TAX1BP1: variants seen among roughly 807,000 people sequenced by gnomAD.
The protein encoded by TAX1BP1 is Tax1 binding protein 1, also known as tax1-binding protein 1.
TAX1BP1 carries 62 observed loss-of-function variants against 97.7 expected under a neutral mutation model. The ratio of observed to expected loss-of-function variants is 0.63; its 90% confidence interval spans 0.52 to 0.78. TAX1BP1 has a LOEUF of 0.78. TAX1BP1 is among the 30% of genes least tolerant of loss of function. TAX1BP1 has a pLI of 0.00. For missense variants in TAX1BP1, 867 were observed against 916.1 expected, an observed-to-expected ratio of 0.95 and a Z score of 0.69; for synonymous variants, 340 against 304.2, an observed-to-expected ratio of 1.12 and a Z score of -1.23.
At chr7:27,816,018 T>A (rs1562742193) in intron 13 of TAX1BP1, among the ~76,000 whole-genome samples, 1 of 152,052 alleles carries the variant, frequency 6.6e-6, no homozygotes, top group Non-Finnish European at 1.5e-5. Flanking sequence ...TGGGTGAAGC[T>A]CTGTCTCAAA....
chr7:27,795,360 C>G (rs899673370), intron 11 of TAX1BP1, among the ~76,000 whole-genome samples: 1 of 151,986 alleles, frequency 6.6e-6, no homozygotes, highest in African/African-American at 2.4e-5. Context: ...GTACTCCTAG[C>G]TACTCTGGAA....
chr7:27,806,292 G>T lies in TAX1BP1; in HGVS notation c.1764+6202G>T, dbSNP rs182401023. Among the ~76,000 whole-genome samples, 8 of 151,914 alleles carry T rather than the reference G, an allele frequency of 5.3e-5. No individual in the cohort carries two copies. In the East Asian group the frequency reaches 1.6e-3, roughly 29 times the overall value. On this transcript the variant is annotated intron_variant, in intron 13 of 16. Coordinates refer to ENST00000396319, the MANE Select transcript of TAX1BP1 (RefSeq NM_006024.7). ...GTAGAGACAGGGTTTTGCCATGTTG[G>T]CTAGGCTGGTCTCAAACTCCTGACC...
intron 15 of TAX1BP1, among the ~76,000 whole-genome samples, chr7:27,817,944 A>C (rs1790841239): frequency 6.6e-6 from 1 of 152,180 alleles, no homozygotes; most frequent in Non-Finnish European, 1.5e-5. Flanking sequence ...CTCAACACCC[A>C]TAATGGAGAA....
chr7:27,825,140 AGATGTATAGTAAGGCTGTGT>A (rs67085840), intron 15 of TAX1BP1, among the ~76,000 whole-genome samples: 72,863 of 151,628 alleles, frequency 0.48, 17,548 homozygotes, highest in Non-Finnish European at 0.49. Context: ...TATTCTTTTA[AGATGTATAGTAAGGCTGTGT>A]GATCTATTAC....
intron 15 of TAX1BP1, among the ~76,000 whole-genome samples, chr7:27,821,238 A>G (rs984951361): frequency 6.6e-6 from 1 of 152,208 alleles, no homozygotes; most frequent in African/African-American, 2.4e-5. Context: ...AATACCTTTC[A>G]TATAGTAGAG....
intron 2 of TAX1BP1, among the ~76,000 whole-genome samples, chr7:27,754,979 C>T (rs542173033): frequency 6.6e-6 from 1 of 152,240 alleles, no homozygotes; most frequent in Non-Finnish European, 1.5e-5. Flanking sequence ...ACAATTAGTT[C>T]TGTACCATTT....
At chr7:27,756,077 A>G (rs367726121) in intron 2 of TAX1BP1, among the ~76,000 whole-genome samples, 1 of 152,174 alleles carries the variant, frequency 6.6e-6, no homozygotes, top group Non-Finnish European at 1.5e-5. Context: ...CAGAGAATCA[A>G]CCTTTGGTTT....
At chr7:27,781,139 A>G (rs1291465046) in intron 5 of TAX1BP1, among the ~76,000 whole-genome samples, 3 of 152,182 alleles carry the variant, frequency 2.0e-5, no homozygotes, top group African/African-American at 7.2e-5. Flanking sequence ...TCTCCACTCC[A>G]ACCACAAAAA....
chr7:27,810,692 A>C (rs1790525754), intron 13 of TAX1BP1, among the ~76,000 whole-genome samples: 1 of 151,974 alleles, frequency 6.6e-6, no homozygotes, highest in African/African-American at 2.4e-5. Context: ...TTGCCTTGCT[A>C]TGTTGCTCTC....
At chr7:27,769,903 C>T in intron 5 of TAX1BP1, 69 bp downstream of exon 5, 1 of 1,475,948 alleles carries the variant, frequency 6.8e-7, no homozygotes, top group Middle Eastern at 1.7e-4. Context: ...TTTTAAAGAG[C>T]TGAACCAATT....
chr7:27,821,021 A>G (rs1790950566), intron 15 of TAX1BP1, among the ~76,000 whole-genome samples: 1 of 152,228 alleles, frequency 6.6e-6, no homozygotes, highest in East Asian at 1.9e-4. Flanking sequence ...TCAGGGCTTA[A>G]AAAGTTTTGG....
intron 2 of TAX1BP1, among the ~76,000 whole-genome samples, chr7:27,751,951 C>G (rs1226821188): frequency 1.3e-5 from 2 of 152,124 alleles, no homozygotes; most frequent in Non-Finnish European, 2.9e-5. Flanking sequence ...CCATGCCCAG[C>G]TACAGATACC....
At chr7:27,783,877 G>A (rs748167770) in intron 5 of TAX1BP1, among the ~76,000 whole-genome samples, 3 of 152,088 alleles carry the variant, frequency 2.0e-5, no homozygotes, top group East Asian at 1.9e-4. Flanking sequence ...TGATTGCAGA[G>A]GAAATAAATA....
chr7:27,806,186 A>G (rs955957911), intron 13 of TAX1BP1, among the ~76,000 whole-genome samples: 4 of 151,860 alleles, frequency 2.6e-5, no homozygotes, highest in Non-Finnish European at 4.4e-5. Context: ...CTCAGGTTCA[A>G]GCAATTCTCC....
intron 2 of TAX1BP1, among the ~76,000 whole-genome samples, chr7:27,751,899 C>G (rs1008021167): frequency 2.6e-5 from 4 of 152,082 alleles, no homozygotes; most frequent in African/African-American, 9.7e-5. Context: ...GCGATCCACC[C>G]GCCTCAGCCT....
intron 15 of TAX1BP1, among the ~76,000 whole-genome samples, chr7:27,825,405 A>G (rs1019892976): frequency 6.6e-6 from 1 of 152,170 alleles, no homozygotes; most frequent in South Asian, 2.1e-4. Context: ...TGTCAATATC[A>G]TGAGAGACTT....
chr7:27,792,062 A>G lies in TAX1BP1; in HGVS notation c.1095A>G (p.Ala365=), dbSNP rs529619745. Reference sequence around the variant, plus strand: ...GTAAAGCAGAGGAACAGGTTCAGGCAACTCGGCAAGAAGTTGTCTTTCTGG... The same window carrying G: ...GTAAAGCAGAGGAACAGGTTCAGGCGACTCGGCAAGAAGTTGTCTTTCTGG... ...QLRKAEEQVQ[A]TRQEVVFLAK... Residue 365 remains alanine, a synonymous_variant, in exon 9 of 17, where the codon GCA becomes GCG. Transcript: ENST00000396319. The G allele has an allele frequency of 5.6e-6, 9 of 1,614,134 alleles. No individual in the cohort carries two copies. In the South Asian group the frequency reaches 8.8e-5, roughly 16 times the overall value.
At position 27,765,916 on chromosome 7, in the gene TAX1BP1, A is replaced by T; in HGVS notation, c.348A>T (p.Thr116=). 6.2e-7 allele frequency: 1 copy of T among 1,614,188 alleles called. No individual in the cohort carries two copies. The highest frequency in any genetic ancestry group is 8.5e-7 in the Non-Finnish European group (1 of 1,180,032). ...AGGGTGAAATTCGTGGAGCAAGTAC[A>T]CCTTTCCAGTTTCGAGCTTCTTCTC... ...THKGEIRGAS[T]PFQFRASSPV... The change falls in exon 4 of 17, where the codon ACA becomes ACT. Residue 116 remains threonine (T), a synonymous_variant. Coordinates refer to ENST00000396319, the MANE Select transcript of TAX1BP1 (RefSeq NM_006024.7).
chr7:27,767,307 A>AT (rs556013447), intron 4 of TAX1BP1, among the ~76,000 whole-genome samples: 3 of 152,134 alleles, frequency 2.0e-5, no homozygotes, highest in East Asian at 3.9e-4. Context: ...AGTTGGATAG[A>AT]TTTTTTTAAC....
Sources: allele counts gnomAD v4.1 joint callset (sites outside exome capture counted in the v4.1 genomes callset), GRCh38; gene constraint gnomAD v4.1.1; transcripts MANE v1.5; gene names NCBI Gene and HGNC (gene_info 2026-07-23, HGNC 2026-07-21).